Variants in CENPP observed in about 807,000 individuals in gnomAD.
CENPP encodes the protein centromere protein P.
A neutral mutation model predicts 35.6 loss-of-function variants in CENPP; 24 were observed. The observed-to-expected ratio is 0.67, with a 90% CI of 0.49 to 0.95. CENPP has a LOEUF of 0.95. Ranked by LOEUF, CENPP falls within the 40% of genes least tolerant of loss-of-function variation. CENPP has a pLI of 0.00. For missense variants in CENPP, 332 were observed against 345.3 expected, an observed-to-expected ratio of 0.96 and a Z score of 0.31; for synonymous variants, 120 against 125.5, an observed-to-expected ratio of 0.96 and a Z score of 0.29.
In CENPP at chr9:92,567,383, T is replaced by TATATATATATATATATATATAG. The variant is rs1564005533; in HGVS notation, c.565-43918_565-43917insTATATATAGATATATATATATA. Among the ~76,000 whole-genome samples, 11 of 94,622 alleles carry TATATATATATATATATATATAG rather than the reference T, an allele frequency of 1.2e-4. No individual in the cohort carries two copies. In the South Asian group the frequency reaches 3.0e-3, roughly 26 times the overall value. 62.1% of individuals were successfully genotyped at this position (94,622 alleles called of 152,430 possible). A position where few individuals can be genotyped will look rare whatever the true frequency, so the allele number is the denominator to read the frequency against. On this transcript the variant is annotated intron_variant, in intron 5 of 7. Coordinates refer to ENST00000375587, the MANE Select transcript of CENPP (RefSeq NM_001012267.3). ...CAGTTACATAAGATAGATATATATATATATATATATATAGATATATATATA... is the reference window on the plus strand; with the variant it reads ...CAGTTACATAAGATAGATATATATATATATATATATATATATATATAGATATATATATATAGATATATATATA...
chr9:92,392,622 G>T (rs1351768795), intron 5 of CENPP, among the ~76,000 whole-genome samples: 1 of 151,450 alleles, frequency 6.6e-6, no homozygotes. Context: ...GTCGGGTTGG[G>T]GGGAGGGGGG....
intron 2 of CENPP, among the ~76,000 whole-genome samples, chr9:92,337,083 C>T (rs557346246): frequency 1.4e-3 from 212 of 151,648 alleles, no homozygotes; most frequent in African/African-American, 4.7e-3. Context: ...TTTGGGAGGC[C>T]GAGGTGGGTG....
chr9:92,498,381 A>G (rs953357113), intron 5 of CENPP, among the ~76,000 whole-genome samples: 6 of 152,156 alleles, frequency 3.9e-5, no homozygotes, highest in Admixed American at 1.3e-4. Context: ...GCACACCAAC[A>G]TGGCACATGT....
chr9:92,607,603 G>C (rs944314105), intron 5 of CENPP, among the ~76,000 whole-genome samples: 2 of 152,184 alleles, frequency 1.3e-5, no homozygotes, highest in South Asian at 2.1e-4. Flanking sequence ...AAAAGTCACT[G>C]AATCGGCCAG....
At chr9:92,351,550 C>T (rs1841444537) in intron 4 of CENPP, among the ~76,000 whole-genome samples, 1 of 151,994 alleles carries the variant, frequency 6.6e-6, no homozygotes, top group Admixed American at 6.6e-5. Flanking sequence ...CCTCATCCAC[C>T]ATTCTACTTT....
chr9:92,516,072 T>TCCCCCCCCCCCCC (rs76297691), intron 5 of CENPP, among the ~76,000 whole-genome samples: 1 of 139,788 alleles, frequency 7.2e-6, no homozygotes, highest in Non-Finnish European at 1.6e-5. Context: ...TACTTTTTTT[T>TCCCCCCCCCCCCC]CCCCCCCCCG....
At chr9:92,536,887 A>ATTTT (rs1404394922) in intron 5 of CENPP, among the ~76,000 whole-genome samples, 1 of 107,840 alleles carries the variant, frequency 9.3e-6, no homozygotes, top group Non-Finnish European at 1.9e-5. Flanking sequence ...TTTTTTTTTG[A>ATTTT]GACGGGAGTT....
chr9:92,409,247 G>A (rs1007402607), intron 5 of CENPP, among the ~76,000 whole-genome samples: 38 of 152,158 alleles, frequency 2.5e-4, no homozygotes, highest in African/African-American at 8.7e-4. Context: ...AACTTCAGAT[G>A]TGTAGCCATT....
At chr9:92,407,427 G>A (rs1843335538) in intron 5 of CENPP, among the ~76,000 whole-genome samples, 1 of 152,160 alleles carries the variant, frequency 6.6e-6, no homozygotes, top group African/African-American at 2.4e-5. Context: ...TTTAGGCAAA[G>A]CCAAAATCTT....
At chr9:92,514,158 C>T (rs923897634) in intron 5 of CENPP, among the ~76,000 whole-genome samples, 2 of 148,764 alleles carry the variant, frequency 1.3e-5, no homozygotes, top group Non-Finnish European at 1.5e-5. Flanking sequence ...GACAGGATCT[C>T]GCTCTGTTGC....
chr9:92,561,278 T>C (rs1849841819), intron 5 of CENPP, among the ~76,000 whole-genome samples: 1 of 152,190 alleles, frequency 6.6e-6, no homozygotes, highest in African/African-American at 2.4e-5. Flanking sequence ...CTACCATCCC[T>C]GTTCCTCCCG....
chr9:92,612,896 T>C, intron 7 of CENPP, 123 bp from the exon 8 acceptor site: 1 of 1,160,264 alleles, frequency 8.6e-7, no homozygotes, highest in Non-Finnish European at 1.3e-6. Context: ...CACTAGCATG[T>C]CCCATCCCAT....
chr9:92,328,879 A>C (rs1487010183), intron 1 of CENPP, among the ~76,000 whole-genome samples: 2 of 152,252 alleles, frequency 1.3e-5, no homozygotes, highest in African/African-American at 2.4e-5. Flanking sequence ...TACTATTTTA[A>C]CCATTTTTGA....
At chr9:92,563,834 G>A (rs1042925149) in intron 5 of CENPP, among the ~76,000 whole-genome samples, 8 of 147,308 alleles carry the variant, frequency 5.4e-5, no homozygotes, top group African/African-American at 5.0e-5. Flanking sequence ...GAACATGATT[G>A]TGAGGCTGGA....
Position 92,566,960 on chromosome 9 carries a change from TA to T in CENPP, c.565-44351del, listed in dbSNP as rs1289600239. ...GCAGCAAGAGAGAAAGCAGCACACATAAATTTCTCAGAAACTTTGGAAGGCA... is the reference window on the plus strand; with the variant it reads ...GCAGCAAGAGAGAAAGCAGCACACATAATTTCTCAGAAACTTTGGAAGGCA... On this transcript the variant is annotated intron_variant, in intron 5 of 7. Transcript: ENST00000375587. Among the ~76,000 whole-genome samples the T allele has an allele frequency of 2.6e-5, 4 of 152,210 alleles. No individual in the cohort carries two copies. The East Asian group carries it at 7.7e-4, about 29-fold the overall frequency.
Position 92,335,956 on chromosome 9 carries a change from A to C in CENPP, c.290-1585A>C, listed in dbSNP as rs982847527. 1.3e-5 allele frequency among the ~76,000 whole-genome samples: 2 copies of C among 152,238 alleles called. 1 individual carries two copies. Among genetic ancestry groups the C allele is most frequent in the Non-Finnish European group, 2.9e-5 (2 of 68,034 alleles). ...ATTTTGATTGGATTGCATTGAATGT[A>C]CTGATCAAAGTTGGGAAGAACTGAC... is the stretch of plus-strand genomic sequence containing the variant. On this transcript the variant is annotated intron_variant, in intron 2 of 7. Transcript: ENST00000375587.
At chr9:92,575,020 A>T (rs1016388761) in intron 5 of CENPP, among the ~76,000 whole-genome samples, 1 of 152,244 alleles carries the variant, frequency 6.6e-6, no homozygotes, top group Non-Finnish European at 1.5e-5. Flanking sequence ...ATGCAAAAGT[A>T]TGAAGTTGGA....
At chr9:92,388,285 C>G (rs1250303114) in intron 5 of CENPP, among the ~76,000 whole-genome samples, 4 of 151,600 alleles carry the variant, frequency 2.6e-5, no homozygotes, top group Non-Finnish European at 5.9e-5. Context: ...CCTCAGCCTC[C>G]TGAGTAGCTG....
chr9:92,446,572 A>G (rs1438988757), intron 5 of CENPP, among the ~76,000 whole-genome samples: 11 of 152,184 alleles, frequency 7.2e-5, no homozygotes, highest in Admixed American at 7.2e-4. Context: ...ATAGCAGATA[A>G]AAACACATTG....
Sources: gnomAD v4.1 joint callset for allele counts (sites outside exome capture counted in the v4.1 genomes callset) on GRCh38, gnomAD v4.1.1 for gene constraint, MANE v1.5 for transcripts, NCBI Gene and HGNC (gene_info 2026-07-23, HGNC 2026-07-21) for gene names.